Variants in ANXA13 observed in about 807,000 individuals in gnomAD.
ANXA13 encodes the protein annexin A13, also known as annexin XIII.
Under a neutral mutation model 46.6 loss-of-function variants are expected in ANXA13, and 36 were observed. The ratio of observed to expected loss-of-function variants is 0.77; its 90% CI spans 0.59 to 1.02. The LOEUF is 1.02. ANXA13 is among the 50% of genes least tolerant of loss of function. The pLI is 0.00. For synonymous variants in ANXA13, 163 were observed against 152.9 expected (o/e 1.07, Z -0.49); for missense variants, 417 against 396.5 (o/e 1.05, Z -0.44).
At chr8:123,701,333 G>A (rs1035674447) in intron 3 of ANXA13, among the ~76,000 whole-genome samples, 1 of 152,112 alleles carries the variant, frequency 6.6e-6, no homozygotes. Context: ...AGCTGGGCAT[G>A]GTGGCGCGTG....
intron 2 of ANXA13, among the ~76,000 whole-genome samples, chr8:123,711,477 C>T (rs1213774581): frequency 6.6e-6 from 1 of 152,216 alleles, no homozygotes; most frequent in African/African-American, 2.4e-5. Context: ...CCACCCTGGT[C>T]CCTGGTCTAC....
rs567299473 is a variant in ANXA13, at chr8:123,696,506, C to T, written c.358-785G>A. On this transcript the variant is annotated intron_variant, in intron 4 of 10. Transcript: ENST00000419625. ...CCAAGGGGTGCACCTCAGGAGCTGC[C>T]TCAGTTTACACTTGAACCAGCAGCT... Among the ~76,000 whole-genome samples, 9 of 152,290 alleles carry T rather than the reference C, an allele frequency of 5.9e-5. No individual in the cohort carries two copies. In the East Asian group the frequency reaches 1.7e-3, roughly 29 times the overall value.
At chr8:123,687,031 A>G (rs1385953582) in intron 9 of ANXA13, among the ~76,000 whole-genome samples, 1 of 151,518 alleles carries the variant, frequency 6.6e-6, no homozygotes, top group East Asian at 1.9e-4. Context: ...TTGTTTTTTT[A>G]TCTTTATCTT....
chr8:123,695,861 T>C, intron 4 of ANXA13, 140 bp from the exon 5 acceptor site: 1 of 705,562 alleles, frequency 1.4e-6, no homozygotes, highest in Non-Finnish European at 2.4e-6. Flanking sequence ...TCCCTATAGG[T>C]CCAGGGCACA....
At chr8:123,736,915 C>T (rs1814280228) in intron 1 of ANXA13, among the ~76,000 whole-genome samples, 1 of 133,854 alleles carries the variant, frequency 7.5e-6, no homozygotes, top group Non-Finnish European at 1.5e-5. Context: ...GTGGTGCAAT[C>T]TCGGCTTATT....
chr8:123,704,778 T>C (rs1051693362), intron 2 of ANXA13, among the ~76,000 whole-genome samples: 1 of 152,166 alleles, frequency 6.6e-6, no homozygotes, highest in Admixed American at 6.5e-5. Flanking sequence ...CTCCTCTCCA[T>C]CACCTCCCTC....
At chr8:123,695,836 CTCT>C in intron 4 of ANXA13, 115 bp from the exon 5 acceptor site, 2 of 900,644 alleles carry the variant, frequency 2.2e-6, no homozygotes, top group Admixed American at 2.1e-5. Flanking sequence ...TCAAGACTTC[CTCT>C]TAAGATGGTC....
intron 4 of ANXA13, among the ~76,000 whole-genome samples, chr8:123,697,633 T>A (rs543714179): frequency 6.6e-6 from 1 of 152,324 alleles, no homozygotes; most frequent in South Asian, 2.1e-4. Context: ...TTCTATTTCC[T>A]GCTGAGAGGC....
chr8:123,690,146 T>C lies in ANXA13; in HGVS notation c.643-1200A>G, dbSNP rs1218687458. 1.3e-5 allele frequency among the ~76,000 whole-genome samples: 2 copies of C among 152,144 alleles called. No individual in the cohort carries two copies. Among genetic ancestry groups the C allele is most frequent in the Non-Finnish European group, 2.9e-5 (2 of 68,024 alleles). On this transcript the variant is annotated intron_variant, in intron 8 of 10. Transcript: ENST00000419625. The surrounding 1 kb of genome is among the most constrained non-coding windows in gnomAD (Gnocchi z 4.6). ...GTCATTATTTTGGAAGGGATTGGTA[T>C]CCCTTTCCCAGAAACAAGGTTCTTG... is the stretch of plus-strand genomic sequence containing the variant.
chr8:123,724,059 G>A (rs920083032), intron 1 of ANXA13, among the ~76,000 whole-genome samples: 1 of 152,182 alleles, frequency 6.6e-6, no homozygotes, highest in Non-Finnish European at 1.5e-5. Context: ...TATCTGGATA[G>A]AAATCTTGAG....
chr8:123,705,247 T>C (rs1195142948), intron 2 of ANXA13, among the ~76,000 whole-genome samples: 2 of 152,208 alleles, frequency 1.3e-5, no homozygotes, highest in Non-Finnish European at 2.9e-5. Context: ...CCTAAGTGTT[T>C]TTAGCCTTCA....
At chr8:123,710,489 A>G (rs770129613) in intron 2 of ANXA13, among the ~76,000 whole-genome samples, 1 of 152,252 alleles carries the variant, frequency 6.6e-6, no homozygotes, top group Non-Finnish European at 1.5e-5. Flanking sequence ...GGTGAATTTT[A>G]TGGTATGCAA....
chr8:123,709,734 T>C (rs1813618827), intron 2 of ANXA13, among the ~76,000 whole-genome samples: 1 of 152,222 alleles, frequency 6.6e-6, no homozygotes, highest in Non-Finnish European at 1.5e-5. Flanking sequence ...GCTACCATTC[T>C]ATGGCTAGAT....
chr8:123,697,400 CCA>C (rs1813361182), intron 4 of ANXA13, among the ~76,000 whole-genome samples: 1 of 152,112 alleles, frequency 6.6e-6, no homozygotes, highest in African/African-American at 2.4e-5. Flanking sequence ...AAGCATCATC[CCA>C]ACCTGAGACT....
At chr8:123,732,956 T>C (rs1036489413) in intron 1 of ANXA13, among the ~76,000 whole-genome samples, 1 of 152,116 alleles carries the variant, frequency 6.6e-6, no homozygotes, top group Non-Finnish European at 1.5e-5. Context: ...GAGGATCGCT[T>C]GAGCCCAGGA....
In ANXA13 at chr8:123,693,731, C is replaced by A; in HGVS notation, c.520G>T (p.Asp174Tyr). The part of the protein sequence containing the change: ...DDVDKDLAGQ[D>Y]AKDLYDAGEG... ...CATACATCATACAGATCTTTGGCATCCTGACCAGCTAGATCTTTGTCCACG... is the reference window on the plus strand; with the variant it reads ...CATACATCATACAGATCTTTGGCATACTGACCAGCTAGATCTTTGTCCACG... The change falls in exon 7 of 11, where the codon GAT becomes TAT. Residue 174 changes from aspartate to tyrosine, a missense_variant. Asp to Tyr is a radical substitution (Grantham distance 160). Transcript: ENST00000419625. The A allele has an allele frequency of 6.2e-7, 1 of 1,614,108 alleles. No individual in the cohort carries two copies. Among genetic ancestry groups the A allele is most frequent in the Non-Finnish European group, 8.5e-7 (1 of 1,180,004 alleles).
chr8:123,734,927 A>G (rs1323087088), intron 1 of ANXA13, among the ~76,000 whole-genome samples: 5 of 151,840 alleles, frequency 3.3e-5, no homozygotes, highest in Admixed American at 6.6e-5. Context: ...GATTTAATAG[A>G]AACACCATGT....
At chr8:123,720,582 G>A (rs1270878265) in intron 1 of ANXA13, among the ~76,000 whole-genome samples, 2 of 151,334 alleles carry the variant, frequency 1.3e-5, no homozygotes, top group Admixed American at 6.6e-5. Flanking sequence ...TTTGGACATA[G>A]GCATACACTC....
In ANXA13 at chr8:123,686,215, G is replaced by A. The variant is rs1246306596; in HGVS notation, c.719-1493C>T. On this transcript the variant is annotated intron_variant, in intron 9 of 10. Transcript: ENST00000419625. ...CAGCCAGGCATGGTGGCTCACACCT[G>A]TAATCCCAGCGCTTTGGGAGGCCGA... Among the ~76,000 whole-genome samples the A allele has an allele frequency of 2.0e-5, 3 of 152,170 alleles. No individual in the cohort carries two copies. In the East Asian group the frequency reaches 5.8e-4, roughly 29 times the overall value.
Sources: gnomAD v4.1 joint callset for allele counts (sites outside exome capture counted in the v4.1 genomes callset) on GRCh38, gnomAD v4.1.1 for gene constraint, Gnocchi (gnomAD v3.1) non-coding constraint, MANE v1.5 for transcripts, NCBI Gene and HGNC (gene_info 2026-07-23, HGNC 2026-07-21) for gene names.